The following HP1BP3 variants were observed in gnomAD, a reference collection of about 807,000 sequenced individuals.
HP1BP3 encodes heterochromatin protein 1-binding protein 3.
Under a neutral mutation model 62.5 loss-of-function variants are expected in HP1BP3, and 12 were observed. That is an observed-to-expected ratio of 0.19 (90% CI 0.12 to 0.31). HP1BP3 has a LOEUF of 0.31. HP1BP3 is among the 10% of genes least tolerant of loss of function. The pLI is 1.00. For missense variants in HP1BP3, 502 were observed against 651.8 expected, an observed-to-expected ratio of 0.77 and a Z score of 2.50; for synonymous variants, 260 against 237.8, an observed-to-expected ratio of 1.09 and a Z score of -0.86.
chr1:20,765,028 G>C (rs1479567973), intron 8 of HP1BP3, among the ~76,000 whole-genome samples: 1 of 151,742 alleles, frequency 6.6e-6, no homozygotes, highest in Admixed American at 6.6e-5. Context: ...AATTAGCTGG[G>C]TGTCGTGGCG....
chr1:20,745,736 G>A, intron 11 of HP1BP3, 80 bp from the exon 12 acceptor site: 1 of 1,434,780 alleles, frequency 7.0e-7, no homozygotes, highest in Non-Finnish European at 9.6e-7. Context: ...GCTCTTACCT[G>A]GACATATCCC....
intron 8 of HP1BP3, among the ~76,000 whole-genome samples, chr1:20,764,351 T>G (rs751610739): frequency 3.4e-5 from 5 of 145,646 alleles, no homozygotes; most frequent in Non-Finnish European, 7.5e-5. Context: ...ACTCTTATGG[T>G]TTTTTTTTTG....
At chr1:20,751,594 A>G (rs1570563460) in intron 9 of HP1BP3, among the ~76,000 whole-genome samples, 1 of 152,210 alleles carries the variant, frequency 6.6e-6, no homozygotes. Context: ...GAATGGCGGC[A>G]TGCCTGTAGC....
chr1:20,753,826 A>G (rs919677210), intron 9 of HP1BP3, among the ~76,000 whole-genome samples: 4 of 152,240 alleles, frequency 2.6e-5, no homozygotes, highest in Non-Finnish European at 5.9e-5. Context: ...GCCATTCATG[A>G]TAAAAACTCC....
At chr1:20,749,366 C>T (rs12140145) in intron 10 of HP1BP3, among the ~76,000 whole-genome samples, 147,476 of 148,044 alleles carry the variant, frequency 1, 73,454 homozygotes, top group Middle Eastern at 1. Flanking sequence ...CTTTTCTTTT[C>T]TTTTTTTTTG....
In HP1BP3 at chr1:20,740,826, A is replaced by G. The variant is rs539824790; in HGVS notation, c.*3971T>C. ...CAGCAAACTCCATCTCAAAAAAATA[A>G]TAAGTAAAAGAATATAGTTATAAAG... On this transcript the variant is annotated 3_prime_UTR_variant, in exon 13 of 13. Transcript: ENST00000438032. Among the ~76,000 whole-genome samples the G allele has an allele frequency of 2.0e-5, 3 of 152,376 alleles. No homozygotes were observed. The highest frequency in any genetic ancestry group is 4.1e-4 in the South Asian group (2 of 4,826).
In HP1BP3 at chr1:20,744,900, C is replaced by A; in HGVS notation, c.1559G>T (p.Ser520Ile). 1 of 1,614,188 alleles carries A rather than the reference C, an allele frequency of 6.2e-7. No homozygotes were observed. ...RPSSTVIKKP[S>I]GGSSKKPATS... is the part of the protein sequence containing the mutation. ...TGCAGGCTTCTTTGAGGAGCCACCA[C>A]TAGGTTTCTTGATGACTGTGGATGA... The change falls in exon 13 of 13, where the codon AGT (serine) becomes ATT (isoleucine). Residue 520 changes from serine (S) to isoleucine (I), a missense_variant. By Grantham distance (142) the Ser-to-Ile change is moderately radical. This residue lies in a region of HP1BP3 where 194 missense variants were observed against 207.0 expected (regional missense o/e 0.94). Coordinates refer to ENST00000438032, the MANE Select transcript of HP1BP3 (RefSeq NM_001372052.1).
At chr1:20,785,023 C>A (rs761071043) in intron 1 of HP1BP3, among the ~76,000 whole-genome samples, 2 of 152,170 alleles carry the variant, frequency 1.3e-5, no homozygotes, top group Non-Finnish European at 2.9e-5. Context: ...TGGGCTCAAG[C>A]GATCTCCTCC....
chr1:20,763,591 T>A (rs2056605973), intron 8 of HP1BP3, among the ~76,000 whole-genome samples: 1 of 152,166 alleles, frequency 6.6e-6, no homozygotes, highest in African/African-American at 2.4e-5. Context: ...TAGACAGAAA[T>A]CTGGATTAAA....
At chr1:20,745,991 A>G (rs1287976006) in intron 11 of HP1BP3, among the ~76,000 whole-genome samples, 1 of 152,164 alleles carries the variant, frequency 6.6e-6, no homozygotes, top group Non-Finnish European at 1.5e-5. Flanking sequence ...AACAGTCTGC[A>G]TGGAATACAC....
intron 9 of HP1BP3, chr1:20,755,389 C>T (rs775924475): frequency 6.6e-6 from 3 of 452,558 alleles, no homozygotes; most frequent in Middle Eastern, 3.6e-4. Flanking sequence ...CTGGGCAACA[C>T]GGCGAAACCC....
At chr1:20,781,240 A>G (rs2057530787) in intron 1 of HP1BP3, among the ~76,000 whole-genome samples, 1 of 152,198 alleles carries the variant, frequency 6.6e-6, no homozygotes, top group South Asian at 2.1e-4. Context: ...TCTGAGACTC[A>G]ATGACATTTT....
chr1:20,747,415 C>A (rs2055411772), intron 11 of HP1BP3, 129 bp downstream of exon 11: 1 of 626,422 alleles, frequency 1.6e-6, no homozygotes, highest in African/African-American at 1.9e-5. Context: ...TGTAACCAAT[C>A]CCCTATATGT....
chr1:20,761,878 C>T (rs1164839538), intron 8 of HP1BP3, among the ~76,000 whole-genome samples: 1 of 152,078 alleles, frequency 6.6e-6, no homozygotes, highest in Non-Finnish European at 1.5e-5. Context: ...ATGTTTCAAG[C>T]AGGTAGGAGT....
At chr1:20,757,086 A>G (rs1167156531) in intron 9 of HP1BP3, 80 bp downstream of exon 9, 4 of 777,370 alleles carry the variant, frequency 5.1e-6, no homozygotes, top group Non-Finnish European at 8.7e-6. Flanking sequence ...GGTCCTCAAT[A>G]AATTTTTACA....
chr1:20,785,827 G>T (rs1233835455), intron 1 of HP1BP3, among the ~76,000 whole-genome samples: 29 of 152,268 alleles, frequency 1.9e-4, no homozygotes, highest in Admixed American at 1.8e-3. Context: ...AAACTTTTGA[G>T]AAGAGCAATG....
intron 4 of HP1BP3, 152 bp downstream of exon 4, chr1:20,776,445 T>TA: frequency 1.5e-6 from 1 of 677,060 alleles, no homozygotes; most frequent in Non-Finnish European, 2.5e-6. Context: ...AACAACTATA[T>TA]AATAAACCTA....
intron 8 of HP1BP3, 39 bp from the exon 9 acceptor site, chr1:20,757,295 T>C (rs371379726): frequency 1.6e-6 from 2 of 1,250,486 alleles, no homozygotes; most frequent in Non-Finnish European, 2.3e-6. Flanking sequence ...GATAAATACA[T>C]TAATGAAAGA....
chr1:20,769,257 T>C (rs1025419349), intron 6 of HP1BP3, among the ~76,000 whole-genome samples: 5 of 152,094 alleles, frequency 3.3e-5, no homozygotes, highest in Non-Finnish European at 7.4e-5. Flanking sequence ...ATTTGGCTAA[T>C]TTTTAAGTTT....
Sources: gnomAD v4.1 joint callset for allele counts (sites outside exome capture counted in the v4.1 genomes callset) on GRCh38, gnomAD v4.1.1 for gene constraint, gnomAD v4.1.1 regional missense constraint, MANE v1.5 for transcripts, NCBI Gene and HGNC (gene_info 2026-07-23, HGNC 2026-07-21) for gene names.